MYOC: variants seen among roughly 807,000 people sequenced by gnomAD.
MYOC encodes the protein myocilin, also known as juvenile-onset open-angle glaucoma 1.
Under a neutral mutation model 28.2 loss-of-function variants are expected in MYOC, and 29 were observed. The ratio of observed to expected loss-of-function variants is 1.03; its 90% CI spans 0.77 to 1.40. The LOEUF (loss-of-function observed/expected upper bound fraction) is 1.40. MYOC is among the 40% of genes most tolerant of loss of function. The pLI is 0.00. For missense variants in MYOC, 569 were observed against 620.6 expected, an observed-to-expected ratio of 0.92 and a Z score of 0.88; for synonymous variants, 240 against 245.6, an observed-to-expected ratio of 0.98 and a Z score of 0.21.
chr1:171,640,784 T>C (rs531407194), intron 1 of MYOC, among the ~76,000 whole-genome samples: 2 of 152,212 alleles, frequency 1.3e-5, no homozygotes, highest in South Asian at 4.2e-4. Context: ...ACAAATAAAA[T>C]GCAGGTTTGA....
intron 1 of MYOC, among the ~76,000 whole-genome samples, chr1:171,646,934 C>T (rs935858778): frequency 6.6e-6 from 1 of 152,186 alleles, no homozygotes; most frequent in Non-Finnish European, 1.5e-5. Context: ...AGACCTCAAC[C>T]CGGAAACTGA....
chr1:171,636,083 A>T lies in MYOC; in HGVS notation c.1357T>A (p.Tyr453Asn). Reference sequence around the variant, plus strand: ...TTGCTGATACCTGTGCCTGTGTCATAAGCAAAGTTGACGGTAGCATCTGCT... The same window carrying T: ...TTGCTGATACCTGTGCCTGTGTCATTAGCAAAGTTGACGGTAGCATCTGCT... ...TSADATVNFA[Y>N]DTGTGISKTL... Residue 453 changes from tyrosine to asparagine, a missense_variant, in exon 3 of 3, where the codon TAT becomes AAT. Physicochemically the swap from Tyr to Asn is moderately radical, Grantham distance 143. Transcript: ENST00000037502. The T allele has an allele frequency of 6.2e-7, 1 of 1,614,042 alleles. No homozygotes were observed. Among genetic ancestry groups the T allele is most frequent in the Non-Finnish European group, 8.5e-7 (1 of 1,180,030 alleles).
intron 1 of MYOC, among the ~76,000 whole-genome samples, chr1:171,641,143 G>A (rs1391734069): frequency 6.6e-6 from 1 of 152,062 alleles, no homozygotes; most frequent in Non-Finnish European, 1.5e-5. Context: ...GCATGTGTGG[G>A]GGCCAGTAGT....
rs61753850 is a variant in MYOC at position 171,638,716 on chromosome 1, G to A, written c.611C>T (p.Thr204Met). The change falls in exon 2 of 3, where the codon ACG becomes ATG. Residue 204 changes from threonine (T) to methionine (M), a missense_variant. By Grantham distance (81) the Thr-to-Met change is moderately conservative. Transcript: ENST00000037502. Reference sequence around the variant, plus strand: ...GAAGGCCAAAGTGTCCAAATTCCACGTAGAAACTGCATTAAAAGAAAGAGA... The same window carrying A: ...GAAGGCCAAAGTGTCCAAATTCCACATAGAAACTGCATTAAAAGAAAGAGA... Reference protein sequence around the residue: ...AVPPGSREVSTWNLDTLAFQE... With the variant: ...AVPPGSREVSMWNLDTLAFQE... The A allele has an allele frequency of 5.3e-5, 86 of 1,614,034 alleles. No homozygotes were observed. The East Asian group carries it at 6.9e-4, about 13-fold the overall frequency.
At chr1:171,648,914 T>A (rs1653287957) in intron 1 of MYOC, among the ~76,000 whole-genome samples, 1 of 150,962 alleles carries the variant, frequency 6.6e-6, no homozygotes, top group African/African-American at 2.4e-5. Context: ...CTTAAACTCC[T>A]GACCTCAAGT....
chr1:171,651,045 T>C (rs534459709), intron 1 of MYOC, among the ~76,000 whole-genome samples: 2 of 152,216 alleles, frequency 1.3e-5, no homozygotes, highest in Admixed American at 6.5e-5. Flanking sequence ...CTCATAGCCT[T>C]TTTCCCCCTT....
At chr1:171,643,968 C>CAAAAA (rs145167337) in intron 1 of MYOC, among the ~76,000 whole-genome samples, 2 of 89,454 alleles carry the variant, frequency 2.2e-5, no homozygotes, top group African/African-American at 9.3e-5. Context: ...GACTCTGTCT[C>CAAAAA]AAAAAAAAAA....
chr1:171,642,878 A>C (rs1653110000), intron 1 of MYOC, among the ~76,000 whole-genome samples: 1 of 108,866 alleles, frequency 9.2e-6, no homozygotes, highest in African/African-American at 3.7e-5. Context: ...CTAATAGGCT[A>C]GTCTATGTTT....
intron 1 of MYOC, among the ~76,000 whole-genome samples, chr1:171,640,922 G>A (rs571756822): frequency 6.6e-6 from 1 of 152,146 alleles, no homozygotes; most frequent in Non-Finnish European, 1.5e-5. Context: ...GACTAGGTGA[G>A]GCACAGACGA....
At chr1:171,647,189 G>A (rs1653224448) in intron 1 of MYOC, among the ~76,000 whole-genome samples, 1 of 152,202 alleles carries the variant, frequency 6.6e-6, no homozygotes, top group Non-Finnish European at 1.5e-5. Flanking sequence ...AAAATGTTAT[G>A]CACATGTTGA....
chr1:171,649,219 G>A (rs1653293944), intron 1 of MYOC, among the ~76,000 whole-genome samples: 1 of 152,072 alleles, frequency 6.6e-6, no homozygotes, highest in Admixed American at 6.6e-5. Flanking sequence ...AGAAAGTGGT[G>A]GTAACAATTT....
intron 1 of MYOC, among the ~76,000 whole-genome samples, chr1:171,641,381 G>A (rs1250262097): frequency 6.6e-6 from 1 of 152,152 alleles, no homozygotes; most frequent in Non-Finnish European, 1.5e-5. Context: ...GAAAGGGGAG[G>A]CAGGGTAAGC....
In MYOC at chr1:171,638,728, T is replaced by C. The variant is rs1652993202; in HGVS notation, c.605-6A>G. On this transcript the variant is annotated splice_region_variant and splice_polypyrimidine_tract_variant and intron_variant, in intron 1 of 2. Coordinates refer to ENST00000037502, the MANE Select transcript of MYOC (RefSeq NM_000261.2). ...GTCCAAATTCCACGTAGAAACTGCA[T>C]TAAAAGAAAGAGACAAAATTTTACT... 4 of 1,613,902 alleles carry C rather than the reference T, an allele frequency of 2.5e-6. No individual in the cohort carries two copies. The highest frequency in any genetic ancestry group is 3.4e-6 in the Non-Finnish European group (4 of 1,179,878).
At chr1:171,646,894 C>T (rs1290024080) in intron 1 of MYOC, among the ~76,000 whole-genome samples, 1 of 152,128 alleles carries the variant, frequency 6.6e-6, no homozygotes, top group Non-Finnish European at 1.5e-5. Context: ...TGTTCTCTGC[C>T]GTCGCTTCTT....
At chr1:171,637,640 T>A (rs1652961237) in intron 2 of MYOC, among the ~76,000 whole-genome samples, 1 of 150,172 alleles carries the variant, frequency 6.7e-6, no homozygotes, top group South Asian at 2.1e-4. Context: ...TGAGACAGAG[T>A]CTCACTCTGT....
Position 171,638,703 on chromosome 1 carries a change from G to A in MYOC, c.624C>T (p.Asp208=), listed in dbSNP as rs2234927. Reference sequence around the variant, plus strand: ...ACTTCAGTTCCTGGAAGGCCAAAGTGTCCAAATTCCACGTAGAAACTGCAT... The same window carrying A: ...ACTTCAGTTCCTGGAAGGCCAAAGTATCCAAATTCCACGTAGAAACTGCAT... ...GSREVSTWNL[D]TLAFQELKSE... is the part of the protein sequence containing the mutation. Residue 208 remains aspartate, a synonymous_variant, in exon 2 of 3, where the codon GAC becomes GAT. Coordinates refer to ENST00000037502, the MANE Select transcript of MYOC (RefSeq NM_000261.2). 2 of 1,614,128 alleles carry A rather than the reference G, an allele frequency of 1.2e-6. No individual in the cohort carries two copies. The highest frequency in any genetic ancestry group is 2.2e-5 in the South Asian group (2 of 91,088).
chr1:171,652,289 G>C lies in MYOC; in HGVS notation c.323C>G (p.Ala108Gly), dbSNP rs145393453. ...LLHQLTLDQA[A>G]RPQETQEGLQ... ...CCCCTCCTGGGTCTCCTGGGGCCTG[G>C]CAGCCTGGTCCAAGGTCAATTGGTG... is the stretch of plus-strand genomic sequence containing the variant. The change falls in exon 1 of 3, where the codon GCC becomes GGC. Residue 108 changes from alanine (A) to glycine (G), a missense_variant. Transcript: ENST00000037502. 1 of 1,612,894 alleles carries C rather than the reference G, an allele frequency of 6.2e-7. No homozygotes were observed. The highest frequency in any genetic ancestry group is 1.3e-5 in the African/African-American group (1 of 74,930).
chr1:171,640,148 A>T (rs1316856989), intron 1 of MYOC, among the ~76,000 whole-genome samples: 1 of 151,500 alleles, frequency 6.6e-6, no homozygotes, highest in Non-Finnish European at 1.5e-5. Context: ...ATATGCAAAT[A>T]TTCTTGTAAG....
At chr1:171,639,549 G>A (rs1433776747) in intron 1 of MYOC, among the ~76,000 whole-genome samples, 3 of 151,456 alleles carry the variant, frequency 2.0e-5, no homozygotes, top group Non-Finnish European at 2.9e-5. Flanking sequence ...GGAGGCTGAT[G>A]TGGGAGGATT....
Sources: gnomAD v4.1 joint callset for allele counts (sites outside exome capture counted in the v4.1 genomes callset) on GRCh38, gnomAD v4.1.1 for gene constraint, MANE v1.5 for transcripts, NCBI Gene and HGNC (gene_info 2026-07-23, HGNC 2026-07-21) for gene names.